THSD7B: variants seen among roughly 807,000 people sequenced by gnomAD.
The protein encoded by THSD7B is thrombospondin type-1 domain-containing protein 7B.
A neutral mutation model predicts 213.6 loss-of-function variants in THSD7B; 138 were observed. The ratio of observed to expected loss-of-function variants is 0.65; its 90% CI spans 0.56 to 0.74. THSD7B has a LOEUF of 0.74. Ranked by LOEUF, THSD7B falls within the 30% of genes least tolerant of loss-of-function variation. The pLI is 0.00. For synonymous variants in THSD7B, 742 were observed against 687.0 expected (o/e 1.08, Z -1.25); for missense variants, 1,931 against 1,991.5 (o/e 0.97, Z 0.58).
intron 1 of THSD7B, among the ~76,000 whole-genome samples, chr2:136,789,777 A>T (rs1242173930): frequency 6.6e-6 from 1 of 152,090 alleles, no homozygotes; most frequent in Non-Finnish European, 1.5e-5. Context: ...ACAAAAACTG[A>T]TTTTGTTTCC....
intron 1 of THSD7B, among the ~76,000 whole-genome samples, chr2:136,780,915 T>G (rs1681729954): frequency 1.3e-5 from 2 of 152,036 alleles, no homozygotes; most frequent in African/African-American, 4.8e-5. Context: ...GTAAAATAAT[T>G]AGAAGGGGGT....
At chr2:137,157,956 A>C (rs1409867159) in intron 5 of THSD7B, among the ~76,000 whole-genome samples, 1 of 152,228 alleles carries the variant, frequency 6.6e-6, no homozygotes, top group African/African-American at 2.4e-5. Flanking sequence ...ACATGCTAAC[A>C]TGTATAAGAC....
At chr2:137,089,495 T>C (rs1343952519) in intron 3 of THSD7B, among the ~76,000 whole-genome samples, 1 of 151,582 alleles carries the variant, frequency 6.6e-6, no homozygotes, top group African/African-American at 2.4e-5. Context: ...AGGAATGAAT[T>C]AATGGCATTC....
Position 137,114,510 on chromosome 2 carries a change from A to G in THSD7B, c.1200-614A>G, listed in dbSNP as rs190729740. Among the ~76,000 whole-genome samples, 78 of 152,348 alleles carry G rather than the reference A, an allele frequency of 5.1e-4. 1 individual carries two copies. Among genetic ancestry groups the G allele is most frequent in the African/African-American group, 1.9e-3 (78 of 41,582 alleles). On this transcript the variant is annotated intron_variant, in intron 4 of 27. Transcript: ENST00000409968. Reference sequence around the variant, plus strand: ...GACATATTTCTATATCAGTTTATATAACAGTATGGCTGCATATGTAAAAAA... The same window carrying G: ...GACATATTTCTATATCAGTTTATATGACAGTATGGCTGCATATGTAAAAAA...
intron 17 of THSD7B, among the ~76,000 whole-genome samples, chr2:137,596,324 A>G (rs1482145616): frequency 6.6e-6 from 1 of 152,052 alleles, no homozygotes; most frequent in East Asian, 1.9e-4. Flanking sequence ...CAGATTAAGG[A>G]ATTATTTTTG....
intron 12 of THSD7B, among the ~76,000 whole-genome samples, chr2:137,329,633 AG>A (rs1248242238): frequency 2.6e-5 from 4 of 152,154 alleles, no homozygotes; most frequent in African/African-American, 9.7e-5. Flanking sequence ...CCAAAGTGCT[AG>A]GATTATAGGC....
intron 12 of THSD7B, among the ~76,000 whole-genome samples, chr2:137,393,133 T>G (rs1008933483): frequency 1.1e-4 from 17 of 150,426 alleles, no homozygotes; most frequent in Non-Finnish European, 2.1e-4. Flanking sequence ...TGGCTGCAGG[T>G]TTTTTCTTCC....
chr2:137,094,828 T>A (rs1027553044), intron 3 of THSD7B, 45 bp from the exon 4 acceptor site: 1 of 1,582,878 alleles, frequency 6.3e-7, no homozygotes, highest in East Asian at 2.3e-5. Context: ...GTTAGTTGCA[T>A]CCATTAATAT....
chr2:137,127,038 C>G (rs1159240508), intron 5 of THSD7B, among the ~76,000 whole-genome samples: 2 of 151,916 alleles, frequency 1.3e-5, no homozygotes, highest in African/African-American at 2.4e-5. Flanking sequence ...TCAAAGATCA[C>G]TGATCACTGA....
At chr2:136,963,786 A>G (rs1685270705) in intron 2 of THSD7B, among the ~76,000 whole-genome samples, 1 of 152,186 alleles carries the variant, frequency 6.6e-6, no homozygotes, top group Admixed American at 6.5e-5. Flanking sequence ...GAAGAAAGAG[A>G]AAGTGGTATT....
At chr2:137,664,619 G>A (rs2104824702) in intron 26 of THSD7B, among the ~76,000 whole-genome samples, 1 of 152,286 alleles carries the variant, frequency 6.6e-6, no homozygotes, top group South Asian at 2.1e-4. Flanking sequence ...CTAATGAGAT[G>A]TTATCATCCC....
chr2:137,620,785 T>C (rs1307542510), intron 20 of THSD7B, 59 bp downstream of exon 20: 2 of 1,371,160 alleles, frequency 1.5e-6, no homozygotes, highest in Admixed American at 1.8e-5. Flanking sequence ...TCATTCAGTA[T>C]GCCATAGCTT....
At chr2:136,874,084 A>T (rs987279416) in intron 1 of THSD7B, among the ~76,000 whole-genome samples, 1 of 152,200 alleles carries the variant, frequency 6.6e-6, no homozygotes, top group Non-Finnish European at 1.5e-5. Context: ...ATGCTAAGAG[A>T]ACCTACATCA....
chr2:136,879,869 A>G (rs1482904004), intron 1 of THSD7B, among the ~76,000 whole-genome samples: 1 of 152,198 alleles, frequency 6.6e-6, no homozygotes, highest in African/African-American at 2.4e-5. Context: ...GAGACAAAGA[A>G]GGCCATTACA....
At chr2:137,336,891 A>G (rs2104901845) in intron 12 of THSD7B, among the ~76,000 whole-genome samples, 1 of 152,134 alleles carries the variant, frequency 6.6e-6, no homozygotes, top group Non-Finnish European at 1.5e-5. Context: ...TTAATCCACC[A>G]TTCCTCCTTC....
At chr2:136,987,857 C>T (rs1685696668) in intron 2 of THSD7B, among the ~76,000 whole-genome samples, 1 of 152,096 alleles carries the variant, frequency 6.6e-6, no homozygotes, top group Admixed American at 6.5e-5. Flanking sequence ...ACTCCAGCAA[C>T]ATTATTAAGC....
intron 12 of THSD7B, among the ~76,000 whole-genome samples, chr2:137,298,163 A>G (rs62171146): frequency 0.062 from 9,371 of 152,116 alleles, 544 homozygotes; most frequent in African/African-American, 0.14. Flanking sequence ...CTCAGATGGA[A>G]ATGAAGAACT....
At chr2:137,359,843 G>A (rs113431132) in intron 12 of THSD7B, among the ~76,000 whole-genome samples, 4,204 of 152,108 alleles carry the variant, frequency 0.028, 203 homozygotes, top group African/African-American at 0.096. Flanking sequence ...CCCACAGTCC[G>A]CCAACCCCAC....
chr2:137,396,010 G>T (rs184942827), intron 12 of THSD7B, among the ~76,000 whole-genome samples: 3,029 of 152,012 alleles, frequency 0.02, 101 homozygotes, highest in African/African-American at 0.069. Flanking sequence ...GGTGGTGATA[G>T]CCCCTTTATC....
Sources: allele counts gnomAD v4.1 joint callset (sites outside exome capture counted in the v4.1 genomes callset), GRCh38; gene constraint gnomAD v4.1.1; transcripts MANE v1.5; gene names NCBI Gene and HGNC (gene_info 2026-07-23, HGNC 2026-07-21).